The following DYNC2I2 variants were observed in gnomAD, a reference collection of about 807,000 sequenced individuals.
DYNC2I2 encodes the protein cytoplasmic dynein 2 intermediate chain 2.
In DYNC2I2, 39 loss-of-function variants were observed where a neutral mutation model predicts 52.0. The ratio of observed to expected loss-of-function variants is 0.75; its 90% CI spans 0.58 to 0.98. The LOEUF is 0.98. Among genes scored for constraint, DYNC2I2 ranks in the 50% least tolerant of loss-of-function variants. The pLI, the probability that DYNC2I2 is intolerant of heterozygous loss-of-function variation, is 0.00. For synonymous variants in DYNC2I2, 359 were observed against 321.1 expected (o/e 1.12, Z -1.26); for missense variants, 743 against 728.4 (o/e 1.02, Z -0.23).
At chr9:128,672,946 C>T in the DYNC2I2 span, among the ~76,000 whole-genome samples, 2 of 152,154 alleles carry the variant, frequency 1.3e-5, no homozygotes, top group Non-Finnish European at 2.9e-5. Flanking sequence ...ATGGTGTGAA[C>T]CCGGGAGGCG....
the DYNC2I2 span, among the ~76,000 whole-genome samples, chr9:128,668,177 T>C: frequency 6.6e-6 from 1 of 151,900 alleles, no homozygotes; most frequent in Non-Finnish European, 1.5e-5. Flanking sequence ...GCCAGGATGG[T>C]CTTGATCTCC....
chr9:128,666,927 G>A, the DYNC2I2 span, among the ~76,000 whole-genome samples: 3 of 152,036 alleles, frequency 2.0e-5, no homozygotes, highest in Admixed American at 6.6e-5. Flanking sequence ...TAGGCCAGGC[G>A]CGGTGGCTCA....
chr9:128,656,665 A>G lies in DYNC2I2; in HGVS notation c.62T>C (p.Leu21Pro). The G allele has an allele frequency of 6.6e-7, 1 of 1,512,286 alleles. No individual in the cohort carries two copies. The highest frequency in any genetic ancestry group is 8.8e-7 in the Non-Finnish European group (1 of 1,139,290). The allele number at this position is 1,512,286 out of a possible 1,614,324, so 93.7% of individuals were successfully genotyped here. A position where few individuals can be genotyped will look rare whatever the true frequency, so the allele number is the denominator to read the frequency against. The change falls in exon 1 of 9, where the codon CTG becomes CCG. Residue 21 changes from leucine (L) to proline (P), a missense_variant. By Grantham distance (98) the Leu-to-Pro change is moderately conservative. Transcript: ENST00000372715. ...SQAGSAGVAA[L>P]ATVGVASGPG... The stretch of plus-strand genomic sequence containing the variant: ...GCCGCTCGCAACCCCGACTGTCGCC[A>G]GCGCCGCAACACCAGCGCTTCCCGC...
chr9:128,634,126 C>T (rs1860294187), intron 8 of DYNC2I2, 100 bp downstream of exon 8: 1 of 1,572,468 alleles, frequency 6.4e-7, no homozygotes, highest in African/African-American at 1.4e-5. Context: ...CCGTCCTTAC[C>T]CCCATGTGTG....
At position 128,634,272 on chromosome 9, in the gene DYNC2I2, G is replaced by A. The variant is rs201202295; in HGVS notation, c.1326C>T (p.Arg442=). The A allele has an allele frequency of 4.2e-5, 68 of 1,613,884 alleles. No individual in the cohort carries two copies. In the East Asian group the frequency reaches 1.4e-3, roughly 33 times the overall value. Residue 442 remains arginine (R), a synonymous_variant, in exon 8 of 9, where the codon CGC becomes CGT. Transcript: ENST00000372715. ...QLSLKYLFAV[R]WSPVRPLVFA... ...AAACCAAGGGCCGCACTGGGGACCA[G>A]CGCACAGCAAACAGATACTTGAGGG...
chr9:128,663,649 CTTTTTTTTTTT>C, the DYNC2I2 span: 12 of 77,128 alleles, frequency 1.6e-4, no homozygotes, highest in African/African-American at 4.7e-4. Context: ...TAGTTTTTTT[CTTTTTTTTTTT>C]TTTTTTTTTT....
At chr9:128,679,783 G>A in the DYNC2I2 span, among the ~76,000 whole-genome samples, 1 of 151,632 alleles carries the variant, frequency 6.6e-6, no homozygotes, top group African/African-American at 2.4e-5. Flanking sequence ...AGTATTTAAG[G>A]CTGCAGTGAG....
At chr9:128,661,903 G>A in the DYNC2I2 span, among the ~76,000 whole-genome samples, 23 of 151,922 alleles carry the variant, frequency 1.5e-4, no homozygotes, top group Admixed American at 5.9e-4. Flanking sequence ...TTAGCTGGGC[G>A]TGGTGGCAGG....
the DYNC2I2 span, among the ~76,000 whole-genome samples, chr9:128,665,330 C>A: frequency 6.6e-6 from 1 of 152,048 alleles, no homozygotes; most frequent in African/African-American, 2.4e-5. Flanking sequence ...GGAATACAGG[C>A]GTGAGCCACC....
chr9:128,668,246 A>G, the DYNC2I2 span, among the ~76,000 whole-genome samples: 1 of 134,308 alleles, frequency 7.4e-6, no homozygotes, highest in Non-Finnish European at 1.7e-5. Context: ...GGCGTGAGCC[A>G]CCACGCCCGG....
intron 1 of DYNC2I2, among the ~76,000 whole-genome samples, chr9:128,648,514 G>C (rs945708140): frequency 6.6e-6 from 1 of 150,470 alleles, no homozygotes; most frequent in Middle Eastern, 3.4e-3. Flanking sequence ...GGCCAGGCAT[G>C]GTGGCTCAGG....
At chr9:128,678,319 C>T in the DYNC2I2 span, among the ~76,000 whole-genome samples, 2 of 151,772 alleles carry the variant, frequency 1.3e-5, no homozygotes, top group Middle Eastern at 3.4e-3. Context: ...CTGCCCACCT[C>T]GGCATCCCAA....
intron 1 of DYNC2I2, among the ~76,000 whole-genome samples, chr9:128,642,628 G>A (rs1014023118): frequency 1.1e-4 from 16 of 151,788 alleles, no homozygotes; most frequent in Admixed American, 2.6e-4. Context: ...AAAATTAGCC[G>A]GGCATGGTCC....
At chr9:128,646,057 A>G (rs1860612044) in intron 1 of DYNC2I2, among the ~76,000 whole-genome samples, 1 of 152,224 alleles carries the variant, frequency 6.6e-6, no homozygotes, top group Non-Finnish European at 1.5e-5. Flanking sequence ...AGGTTGGCTC[A>G]TGAGGTTTAA....
the DYNC2I2 span, among the ~76,000 whole-genome samples, chr9:128,666,875 T>C: frequency 6.6e-6 from 1 of 151,992 alleles, no homozygotes; most frequent in Non-Finnish European, 1.5e-5. Flanking sequence ...AAGACCAGCC[T>C]GAGCAAAATG....
At chr9:128,648,677 G>A (rs1397936362) in intron 1 of DYNC2I2, among the ~76,000 whole-genome samples, 1 of 151,394 alleles carries the variant, frequency 6.6e-6, no homozygotes, top group Non-Finnish European at 1.5e-5. Flanking sequence ...GCGGGCAACT[G>A]TAATCACTGC....
At chr9:128,640,012 C>CTTT (rs71381781) in intron 2 of DYNC2I2, among the ~76,000 whole-genome samples, 1 of 118,898 alleles carries the variant, frequency 8.4e-6, no homozygotes. Flanking sequence ...AGGAGACATT[C>CTTT]TTTTTTTTTT....
At chr9:128,672,878 G>C in the DYNC2I2 span, among the ~76,000 whole-genome samples, 1 of 152,122 alleles carries the variant, frequency 6.6e-6, no homozygotes, top group Non-Finnish European at 1.5e-5. Context: ...CAAAAAACTG[G>C]TGGGGCGTGG....
intron 1 of DYNC2I2, among the ~76,000 whole-genome samples, chr9:128,642,663 C>T (rs1202168449): frequency 6.7e-6 from 1 of 149,698 alleles, no homozygotes; most frequent in South Asian, 2.1e-4. Context: ...CCCAGCTACT[C>T]GGGAAGGCGT....
Sources: gnomAD v4.1 joint callset for allele counts (sites outside exome capture counted in the v4.1 genomes callset) on GRCh38, gnomAD v4.1.1 for gene constraint, MANE v1.5 for transcripts, NCBI Gene and HGNC (gene_info 2026-07-23, HGNC 2026-07-21) for gene names.